TNRC6B: variants seen among roughly 807,000 people sequenced by gnomAD.
TNRC6B encodes trinucleotide repeat-containing gene 6B protein.
TNRC6B carries 52 observed loss-of-function variants against 203.6 expected under a neutral mutation model. That is an observed-to-expected ratio of 0.26 (90% CI 0.20 to 0.32). The LOEUF (loss-of-function observed/expected upper bound fraction) is 0.32, where lower values mean the gene tolerates loss of function less well. TNRC6B is among the 10% of genes least tolerant of loss of function. The pLI, the probability that TNRC6B is intolerant of heterozygous loss-of-function variation, is 1.00. For missense variants in TNRC6B, 1,923 were observed against 2,286.2 expected (o/e 0.84, Z 3.24); for synonymous variants, 838 against 845.7 (o/e 0.99, Z 0.16).
rs368695167 is a variant in TNRC6B, at chr22:40,266,657, G to A, written c.2427G>A (p.Thr809=). 73 of 1,613,004 alleles carry A rather than the reference G, an allele frequency of 4.5e-5. No homozygotes were observed. The highest frequency in any genetic ancestry group is 1.2e-4 in the African/African-American group (9 of 74,886). ...AAAGATCCCCAGCATGGAATGAGAC[G>A]GGCCGACAGCCCAATTCCTGGAATA... ...DCKRSPAWNE[T]GRQPNSWNKQ... is the part of the protein sequence containing the mutation. Residue 809 remains threonine (T), a synonymous_variant, in exon 5 of 23, where the codon ACG becomes ACA. Coordinates refer to ENST00000454349, the MANE Select transcript of TNRC6B (RefSeq NM_001162501.2).
chr22:40,266,961 G>T lies in TNRC6B; in HGVS notation c.2731G>T (p.Asp911Tyr). The change falls in exon 5 of 23, where the codon GAT (aspartate) becomes TAT (tyrosine). Residue 911 changes from aspartate (D) to tyrosine (Y), a missense_variant. Around this residue, in one of 8 missense-constraint regions of TNRC6B, gnomAD observed 599 missense variants for 656.5 expected, o/e 0.91. Transcript: ENST00000454349. ...SYNYKNVNLW[D>Y]KNSQGGPAPR... is the part of the protein sequence containing the mutation. Reference sequence around the variant, plus strand: ...TAACTACAAGAATGTGAATCTGTGGGATAAGAATTCCCAAGGGGGCCCAGC... The same window carrying T: ...TAACTACAAGAATGTGAATCTGTGGTATAAGAATTCCCAAGGGGGCCCAGC... 6.2e-7 allele frequency: 1 copy of T among 1,613,478 alleles called. No individual in the cohort carries two copies. The highest frequency in any genetic ancestry group is 8.5e-7 in the Non-Finnish European group (1 of 1,179,658).
chr22:40,053,004 T>C (rs759402704), intron 1 of TNRC6B, among the ~76,000 whole-genome samples: 2 of 152,222 alleles, frequency 1.3e-5, no homozygotes, highest in South Asian at 4.1e-4. Flanking sequence ...GTATATGGTA[T>C]ATTTGCTTGG....
intron 1 of TNRC6B, among the ~76,000 whole-genome samples, chr22:40,085,350 TTTAAA>T (rs2068092043): frequency 6.6e-6 from 1 of 152,246 alleles, no homozygotes; most frequent in African/African-American, 2.4e-5. Context: ...ATTCAGAGAC[TTTAAA>T]AATTTGTTTT....
At chr22:40,195,968 G>A (rs139679136) in intron 1 of TNRC6B, among the ~76,000 whole-genome samples, 90 of 152,058 alleles carry the variant, frequency 5.9e-4, no homozygotes, top group African/African-American at 2.0e-3. Context: ...TTTAGTAGAC[G>A]GGGTTTCACC....
In TNRC6B at chr22:40,270,156, T is replaced by C. The variant is rs773086062; in HGVS notation, c.2841T>C (p.Asn947=). The change falls in exon 6 of 23, where the codon AAT becomes AAC. Residue 947 remains asparagine (N), a synonymous_variant. Transcript: ENST00000454349. The part of the protein sequence containing the change: ...WSKSTPPAPD[N]GTSAWGEPNE... ...AAAGCACACCACCTGCTCCAGATAATGGTACTTCCGCTTGGGGTGAGCCAA... is the reference window on the plus strand; with the variant it reads ...AAAGCACACCACCTGCTCCAGATAACGGTACTTCCGCTTGGGGTGAGCCAA... 1.3e-6 allele frequency: 2 copies of C among 1,587,670 alleles called. No homozygotes were observed. The highest frequency in any genetic ancestry group is 2.3e-5 in the South Asian group (2 of 86,812).
intron 10 of TNRC6B, 51 bp from the exon 11 acceptor site, chr22:40,281,068 G>T: frequency 7.0e-7 from 1 of 1,429,390 alleles, no homozygotes; most frequent in Non-Finnish European, 9.4e-7. Flanking sequence ...GCATTCTGTT[G>T]CTTCACTAAC....
chr22:40,156,045 G>T, intron 3 of TNRC6B: 1 of 1,415,170 alleles, frequency 7.1e-7, no homozygotes, highest in Non-Finnish European at 9.8e-7. Flanking sequence ...CACAGGGCAG[G>T]TGTGGGTTCT....
At position 40,285,265 on chromosome 22, in the gene TNRC6B, A is replaced by G. The variant is rs570328550; in HGVS notation, c.3583-380A>G. Among the ~76,000 whole-genome samples, 13 of 152,362 alleles carry G rather than the reference A, an allele frequency of 8.5e-5. No individual in the cohort carries two copies. In the East Asian group the frequency reaches 1.9e-3, roughly 23 times the overall value. On this transcript the variant is annotated intron_variant, in intron 11 of 22. Transcript: ENST00000454349. ...TATTCATAAGGCTGCATTTTTACTC[A>G]GGTGCCTTTCAAGATGGAGCTCAGA... is the stretch of plus-strand genomic sequence containing the variant.
At chr22:40,118,175 C>T (rs1283868063) in intron 2 of TNRC6B, among the ~76,000 whole-genome samples, 4 of 152,168 alleles carry the variant, frequency 2.6e-5, no homozygotes, top group African/African-American at 9.7e-5. Context: ...GTGTATGCAC[C>T]TTGTCTCTAT....
At chr22:40,058,856 C>A (rs2146269418) in intron 1 of TNRC6B, among the ~76,000 whole-genome samples, 1 of 152,212 alleles carries the variant, frequency 6.6e-6, no homozygotes, top group Middle Eastern at 3.4e-3. Flanking sequence ...ATGTTCATGC[C>A]ACCATCCTGA....
upstream of TNRC6B, among the ~76,000 whole-genome samples, chr22:40,174,824 CAA>C (rs1179268276): frequency 1.5e-4 from 13 of 86,718 alleles, no homozygotes; most frequent in Admixed American, 3.8e-4. Flanking sequence ...GACTCCATCT[CAA>C]AAAAAAAAAA....
intron 17 of TNRC6B, among the ~76,000 whole-genome samples, chr22:40,311,378 C>T (rs376488039): frequency 3.9e-5 from 6 of 152,146 alleles, no homozygotes; most frequent in East Asian, 1.9e-4. Context: ...TCTGTCCCTC[C>T]CTTTTGTTGG....
chr22:40,165,068 C>T (rs2068906602), intron 4 of TNRC6B, among the ~76,000 whole-genome samples: 1 of 150,448 alleles, frequency 6.6e-6, no homozygotes, highest in African/African-American at 2.4e-5. Context: ...AGGTGTGAGC[C>T]ACCGCACCCA....
At chr22:40,150,929 T>C (rs2068746022) in intron 3 of TNRC6B, among the ~76,000 whole-genome samples, 1 of 152,012 alleles carries the variant, frequency 6.6e-6, no homozygotes, top group Admixed American at 6.6e-5. Context: ...AAGGAAACTC[T>C]CCCTTACCCC....
chr22:40,125,306 AGGAAC>A (rs2068480089), intron 2 of TNRC6B, among the ~76,000 whole-genome samples: 1 of 152,226 alleles, frequency 6.6e-6, no homozygotes, highest in African/African-American at 2.4e-5. Flanking sequence ...TAAAGAAAGC[AGGAAC>A]GTTATTCATA....
intron 1 of TNRC6B, among the ~76,000 whole-genome samples, chr22:40,227,570 T>A (rs1005815897): frequency 3.3e-5 from 5 of 151,798 alleles, no homozygotes; most frequent in African/African-American, 1.2e-4. Flanking sequence ...AGGCTGGTCT[T>A]GAACTCCTTA....
chr22:40,209,129 AG>A (rs2069525208), intron 1 of TNRC6B, among the ~76,000 whole-genome samples: 1 of 152,194 alleles, frequency 6.6e-6, no homozygotes, highest in Non-Finnish European at 1.5e-5. Context: ...GTTCTCTTTC[AG>A]CTTTCATGCA....
chr22:40,156,069 A>G lies in TNRC6B; in HGVS notation c.46-46A>G, dbSNP rs369101598. On this transcript the variant is annotated intron_variant, in intron 3 of 23. Transcript: ENST00000301923. ...GGTGTGGGTTCTTGGAGTGAGTCGC[A>G]TTGTAGTTACTGACTGCTGCTGACC... The G allele has an allele frequency of 1.2e-5, 19 of 1,539,346 alleles. No homozygotes were observed. In the African/African-American group the frequency reaches 1.8e-4, roughly 14 times the overall value.
At chr22:40,098,384 C>CAAAA (rs1056495905) in intron 1 of TNRC6B, among the ~76,000 whole-genome samples, 2,826 of 51,210 alleles carry the variant, frequency 0.055, 315 homozygotes, top group African/African-American at 0.13. Flanking sequence ...GACTCCGTCT[C>CAAAA]AAAAAAAAAA....
Sources: gnomAD v4.1 joint callset for allele counts (sites outside exome capture counted in the v4.1 genomes callset) on GRCh38, gnomAD v4.1.1 for gene constraint, gnomAD v4.1.1 regional missense constraint, MANE v1.5 for transcripts, NCBI Gene and HGNC (gene_info 2026-07-23, HGNC 2026-07-21) for gene names.